The following ITFG1 variants were observed in gnomAD, a reference collection of about 807,000 sequenced individuals.
ITFG1 encodes integrin alpha FG-GAP repeat containing 1, also known as T-cell immunomodulatory protein.
Under a neutral mutation model 81.8 loss-of-function variants are expected in ITFG1, and 34 were observed. That is an observed-to-expected ratio of 0.42 (90% CI 0.32 to 0.55). The LOEUF (loss-of-function observed/expected upper bound fraction) is 0.55, where lower values mean the gene tolerates loss of function less well. Among genes scored for constraint, ITFG1 ranks in the 20% least tolerant of loss-of-function variants. The probability of loss-of-function intolerance (pLI) is 0.17; values close to 1 mark genes in which losing one functional copy is unlikely to be tolerated. For missense variants in ITFG1, 672 were observed against 755.4 expected (o/e 0.89, Z 1.29); for synonymous variants, 285 against 270.6 (o/e 1.05, Z -0.52).
At chr16:47,289,045 G>T (rs1336301518) in intron 10 of ITFG1, among the ~76,000 whole-genome samples, 1 of 152,090 alleles carries the variant, frequency 6.6e-6, no homozygotes, top group African/African-American at 2.4e-5. Context: ...CTAAATTATT[G>T]AGAGTTTTTA....
intron 10 of ITFG1, among the ~76,000 whole-genome samples, chr16:47,284,286 T>C (rs1966861831): frequency 6.6e-6 from 1 of 152,116 alleles, no homozygotes; most frequent in Non-Finnish European, 1.5e-5. Flanking sequence ...ATAAAAACAT[T>C]AATGAAGCAG....
intron 10 of ITFG1, among the ~76,000 whole-genome samples, chr16:47,299,088 G>A (rs896179057): frequency 3.9e-5 from 6 of 152,062 alleles, no homozygotes; most frequent in African/African-American, 7.2e-5. Flanking sequence ...AGTGAAGGGC[G>A]GTACCAGCAC....
At chr16:47,454,697 T>C (rs936158428) in intron 2 of ITFG1, among the ~76,000 whole-genome samples, 1 of 152,172 alleles carries the variant, frequency 6.6e-6, no homozygotes, top group African/African-American at 2.4e-5. Flanking sequence ...CAATATAGCA[T>C]CCAAACATAT....
intron 5 of ITFG1, among the ~76,000 whole-genome samples, chr16:47,430,814 G>A (rs1179077427): frequency 1.3e-5 from 2 of 152,094 alleles, no homozygotes; most frequent in African/African-American, 4.8e-5. Flanking sequence ...GCATTTCTAC[G>A]CTTAGCTATA....
At position 47,181,462 on chromosome 16, in the gene ITFG1, G is replaced by GC. The variant is rs1413442865; in HGVS notation, c.1454-18799dup. Among the ~76,000 whole-genome samples the GC allele has an allele frequency of 3.2e-4, 41 of 128,898 alleles. 1 individual carries two copies. The highest frequency in any genetic ancestry group is 6.0e-4 in the Admixed American group (8 of 13,390). The allele number at this position is 128,898 out of a possible 152,430, so 84.6% of individuals were successfully genotyped here. A position where few individuals can be genotyped will look rare whatever the true frequency, so the allele number is the denominator to read the frequency against. On this transcript the variant is annotated intron_variant, in intron 14 of 17. Transcript: ENST00000320640. ...TCCGGGAGGGAGGTGGGGGGGGTCA[G>GC]CCCCCCCGCCCGGCCAGCCGCCCCG...
chr16:47,415,384 G>A (rs1217334059), intron 6 of ITFG1, among the ~76,000 whole-genome samples: 3 of 152,200 alleles, frequency 2.0e-5, no homozygotes, highest in Admixed American at 6.5e-5. Flanking sequence ...ATCGAAGAAA[G>A]TGAGACAATC....
At chr16:47,425,098 C>T (rs908430682) in intron 6 of ITFG1, among the ~76,000 whole-genome samples, 5 of 152,116 alleles carry the variant, frequency 3.3e-5, no homozygotes, top group South Asian at 2.1e-4. Flanking sequence ...CCTCCCAGTT[C>T]GAGCTTCCAG....
At chr16:47,413,893 TC>T (rs1968841513) in intron 6 of ITFG1, among the ~76,000 whole-genome samples, 1 of 152,136 alleles carries the variant, frequency 6.6e-6, no homozygotes, top group Non-Finnish European at 1.5e-5. Flanking sequence ...CGATCTTGGC[TC>T]ACTGCAACCT....
At position 47,161,015 on chromosome 16, in the gene ITFG1, A is replaced by G. The variant is rs574023190; in HGVS notation, c.1661+735T>C. Among the ~76,000 whole-genome samples, 3 of 152,224 alleles carry G rather than the reference A, an allele frequency of 2.0e-5. No individual in the cohort carries two copies. In the South Asian group the frequency reaches 6.2e-4, roughly 32 times the overall value. On this transcript the variant is annotated intron_variant, in intron 16 of 17. Transcript: ENST00000320640. The stretch of plus-strand genomic sequence containing the variant: ...ATAAATTCACCATTTCTCTTTGGTT[A>G]TTTTCTCATATTGATATTTGTCTAG...
intron 12 of ITFG1, among the ~76,000 whole-genome samples, chr16:47,248,030 A>G (rs1209803717): frequency 6.6e-6 from 1 of 152,160 alleles, no homozygotes; most frequent in Non-Finnish European, 1.5e-5. Context: ...TCCTTACAGC[A>G]TATGTAACAT....
intron 7 of ITFG1, among the ~76,000 whole-genome samples, chr16:47,373,774 T>C (rs1445702929): frequency 1.3e-5 from 2 of 152,216 alleles, no homozygotes; most frequent in Non-Finnish European, 2.9e-5. Context: ...GGGCTGTACA[T>C]GCAACTGATA....
intron 10 of ITFG1, among the ~76,000 whole-genome samples, chr16:47,265,638 A>G (rs1423218016): frequency 6.6e-6 from 1 of 152,200 alleles, no homozygotes; most frequent in Non-Finnish European, 1.5e-5. Flanking sequence ...TCACTAAAAT[A>G]AGATTTCTAA....
At chr16:47,244,594 TGTGTGTG>T (rs1567433964) in intron 12 of ITFG1, among the ~76,000 whole-genome samples, 99 of 1,078 alleles carry the variant, frequency 0.092, no homozygotes, top group African/African-American at 0.16. Flanking sequence ...CCATCTTTTG[TGTGTGTG>T]TGTGTGTGTG....
chr16:47,366,121 A>G (rs1321159145), intron 7 of ITFG1, among the ~76,000 whole-genome samples: 2 of 152,186 alleles, frequency 1.3e-5, no homozygotes, highest in Admixed American at 1.3e-4. Flanking sequence ...AATCATCACC[A>G]TAATTTCAGA....
chr16:47,217,104 T>C (rs3095628), intron 14 of ITFG1, among the ~76,000 whole-genome samples: 46,220 of 151,632 alleles, frequency 0.3, 7,595 homozygotes, highest in Non-Finnish European at 0.38. Context: ...ATTATCTGTA[T>C]GAACAGATAT....
At chr16:47,295,608 A>T (rs1966970480) in intron 10 of ITFG1, among the ~76,000 whole-genome samples, 1 of 152,164 alleles carries the variant, frequency 6.6e-6, no homozygotes, top group Non-Finnish European at 1.5e-5. Context: ...AGTTGTTCAT[A>T]GTATTCTCTG....
chr16:47,316,151 G>A (rs998861435), intron 8 of ITFG1, among the ~76,000 whole-genome samples: 2 of 152,138 alleles, frequency 1.3e-5, no homozygotes, highest in Non-Finnish European at 2.9e-5. Flanking sequence ...ACAATTTCAA[G>A]AGTATAATTT....
intron 10 of ITFG1, among the ~76,000 whole-genome samples, chr16:47,288,640 C>T (rs1386890244): frequency 2.6e-5 from 4 of 151,916 alleles, no homozygotes; most frequent in Admixed American, 6.6e-5. Flanking sequence ...GACAAAGTCT[C>T]GCTCTGTCGC....
At chr16:47,424,707 T>C (rs1968996769) in intron 6 of ITFG1, among the ~76,000 whole-genome samples, 1 of 151,868 alleles carries the variant, frequency 6.6e-6, no homozygotes, top group African/African-American at 2.4e-5. Context: ...TGCAGGTCTG[T>C]TGGAGTTTGC....
Sources: allele counts gnomAD v4.1 joint callset (sites outside exome capture counted in the v4.1 genomes callset), GRCh38; gene constraint gnomAD v4.1.1; transcripts MANE v1.5; gene names NCBI Gene and HGNC (gene_info 2026-07-23, HGNC 2026-07-21).